The following WEE1 variants were observed in gnomAD, a reference collection of about 807,000 sequenced individuals.
WEE1 encodes wee1-like protein kinase.
WEE1 carries 16 observed loss-of-function variants against 68.8 expected under a neutral mutation model. The observed-to-expected ratio is 0.23, with a 90% confidence interval of 0.16 to 0.35. The LOEUF is 0.35. Among genes scored for constraint, WEE1 ranks in the 10% least tolerant of loss-of-function variants. The probability of loss-of-function intolerance (pLI) is 1.00; values close to 1 mark genes in which losing one functional copy is unlikely to be tolerated. For missense variants in WEE1, 651 were observed against 824.1 expected (o/e 0.79, Z 2.57); for synonymous variants, 349 against 318.7 (o/e 1.09, Z -1.01).
Position 9,589,398 on chromosome 11 carries a change from T to C in WEE1, c.*796T>C, listed in dbSNP as rs1849737984. 2.0e-6 allele frequency: 2 copies of C among 984,968 alleles called. No homozygotes were observed. The highest frequency in any genetic ancestry group is 9.4e-5 in the South Asian group (2 of 21,280). 61.0% of individuals were successfully genotyped at this position (984,968 alleles called of 1,614,324 possible). Reference sequence around the variant, plus strand: ...GGTTTTGTAACTTGTTCTGGTAATGTCCTTCCCGGACTCTTTTTAAATGTC... The same window carrying C: ...GGTTTTGTAACTTGTTCTGGTAATGCCCTTCCCGGACTCTTTTTAAATGTC... On this transcript the variant is annotated 3_prime_UTR_variant, in exon 11 of 11. Transcript: ENST00000450114.
At chr11:9,586,898 C>T in intron 10 of WEE1, 42 bp downstream of exon 10, 1 of 1,551,656 alleles carries the variant, frequency 6.4e-7, no homozygotes, top group Non-Finnish European at 8.7e-7. Context: ...TTTTCATTCA[C>T]TTTAATTCTC....
Position 9,574,551 on chromosome 11 carries a change from G to A in WEE1, c.576+42G>A. 8.5e-7 allele frequency: 1 copy of A among 1,183,264 alleles called. No individual in the cohort carries two copies. Among genetic ancestry groups the A allele is most frequent in the Non-Finnish European group, 1.0e-6 (1 of 960,880 alleles). 73.3% of individuals were successfully genotyped at this position (1,183,264 alleles called of 1,614,324 possible). ...CGGGCACCCGGCGGCCGGGGCCGCG[G>A]CGCCGGAGGGGCCAGCGCCGCTGCC... On this transcript the variant is annotated intron_variant, in intron 1 of 10. Transcript: ENST00000450114. The surrounding 1 kb of genome is among the most constrained non-coding windows in gnomAD (Gnocchi z 4.9).
chr11:9,581,608 C>T lies in WEE1; in HGVS notation c.1218C>T (p.Leu406=), dbSNP rs757570571. The T allele has an allele frequency of 6.2e-7, 1 of 1,613,340 alleles. No homozygotes were observed. The highest frequency in any genetic ancestry group is 1.1e-5 in the South Asian group (1 of 91,020). Residue 406 remains leucine, a synonymous_variant, in exon 6 of 11, where the codon CTC becomes CTT. Coordinates refer to ENST00000450114, the MANE Select transcript of WEE1 (RefSeq NM_003390.4). ...TTAAAGAAGCAGAGTTGAAGGATCTCCTTTTGCAAGTTGGCCGAGGCTTGA... is the reference window on the plus strand; with the variant it reads ...TTAAAGAAGCAGAGTTGAAGGATCTTCTTTTGCAAGTTGGCCGAGGCTTGA... The part of the protein sequence containing the change: ...SYFKEAELKD[L]LLQVGRGLRY...
rs772982874 is a variant in WEE1, at chr11:9,586,463, A to T, written c.1485A>T (p.Leu495=). ...NEVLQENYTH[L]PKADIFALAL... ...TAATTTTACAGAATTATACCCATCTACCAAAAGCAGATATTTTTGCGCTTG... is the reference window on the plus strand; with the variant it reads ...TAATTTTACAGAATTATACCCATCTTCCAAAAGCAGATATTTTTGCGCTTG... Residue 495 remains leucine, a synonymous_variant, in exon 9 of 11, where the codon CTA becomes CTT. Coordinates refer to ENST00000450114, the MANE Select transcript of WEE1 (RefSeq NM_003390.4). The T allele has an allele frequency of 3.7e-6, 6 of 1,613,308 alleles. No homozygotes were observed. Among genetic ancestry groups the T allele is most frequent in the South Asian group, 1.1e-5 (1 of 90,988 alleles).
chr11:9,577,943 C>T (rs926758444), intron 5 of WEE1: 1 of 454,192 alleles, frequency 2.2e-6, no homozygotes, highest in African/African-American at 2.0e-5. Flanking sequence ...CTATTAAAAA[C>T]CTTTACCAAA....
In WEE1 at chr11:9,583,759, GCGCACACACACACA is replaced by G. The variant is rs1307906502; in HGVS notation, c.1289-1497_1289-1484del. On this transcript the variant is annotated intron_variant, in intron 6 of 10. Coordinates refer to ENST00000450114, the MANE Select transcript of WEE1 (RefSeq NM_003390.4). ...TGTGCGTGTGTGTGCGTGCACGCGC[GCGCACACACACACA>G]CACACACACACACACACACACACAC... is the stretch of plus-strand genomic sequence containing the variant. Among the ~76,000 whole-genome samples, 84 of 41,588 alleles carry G rather than the reference GCGCACACACACACA, an allele frequency of 2.0e-3. 1 individual carries two copies. The highest frequency in any genetic ancestry group is 3.3e-3 in the South Asian group (3 of 920). The allele number at this position is 41,588 out of a possible 152,430, so 27.3% of individuals were successfully genotyped here.
Position 9,574,352 on chromosome 11 carries a change from CG to C in WEE1, c.421del (p.Val141CysfsTer93), listed in dbSNP as rs1353667948. On this transcript the variant is annotated frameshift_variant, in exon 1 of 11. Transcript: ENST00000450114. LOFTEE classifies it high-confidence loss of function. This position sits in a 1 kb window ranked among gnomAD's most constrained non-coding sequence, Gnocchi z 4.9. The stretch of plus-strand genomic sequence containing the variant: ...TACTTCCTGGGTAGCTCTTTCTCGC[CG>C]GTGCGCTGCGGCGGCCCAGGAGATG... ...APYFLGSSFS[P>X]VRCGGPGDAS... 1 of 1,248,102 alleles carries C rather than the reference CG, an allele frequency of 8.0e-7. No homozygotes were observed. Among genetic ancestry groups the C allele is most frequent in the African/African-American group, 1.6e-5 (1 of 63,586 alleles). The allele number at this position is 1,248,102 out of a possible 1,614,324, so 77.3% of individuals were successfully genotyped here.
chr11:9,577,026 T>G, intron 4 of WEE1, 116 bp from the exon 5 acceptor site: 1 of 1,209,196 alleles, frequency 8.3e-7, no homozygotes. Context: ...AGCAAGTTGC[T>G]TTTTAGCATA....
rs898648767 is a variant in WEE1 at position 9,588,650 on chromosome 11, A to G, written c.*48A>G. ...CTGAACACTGTGACAAGAGGAAGCTAGGTTGAAATCACTGATAGAATCCAG... is the reference window on the plus strand; with the variant it reads ...CTGAACACTGTGACAAGAGGAAGCTGGGTTGAAATCACTGATAGAATCCAG... On this transcript the variant is annotated 3_prime_UTR_variant, in exon 11 of 11. Coordinates refer to ENST00000450114, the MANE Select transcript of WEE1 (RefSeq NM_003390.4). 9 of 1,437,518 alleles carry G rather than the reference A, an allele frequency of 6.3e-6. No homozygotes were observed. Among genetic ancestry groups the G allele is most frequent in the South Asian group, 1.6e-5 (1 of 61,560 alleles). 89.0% of individuals were successfully genotyped at this position (1,437,518 alleles called of 1,614,324 possible). A position where few individuals can be genotyped will look rare whatever the true frequency, so the allele number is the denominator to read the frequency against.
At chr11:9,586,903 A>G (rs1170591509) in intron 10 of WEE1, 47 bp downstream of exon 10, 1 of 1,543,844 alleles carries the variant, frequency 6.5e-7, no homozygotes, top group Non-Finnish European at 8.8e-7. Context: ...ATTCACTTTA[A>G]TTCTCAAATT....
Position 9,574,213 on chromosome 11 carries a change from T to C in WEE1, c.280T>C (p.Leu94=). The C allele has an allele frequency of 8.5e-7, 1 of 1,178,964 alleles. No homozygotes were observed. The highest frequency in any genetic ancestry group is 1.6e-5 in the African/African-American group (1 of 61,652). The allele number at this position is 1,178,964 out of a possible 1,614,324, so 73.0% of individuals were successfully genotyped here. A position where few individuals can be genotyped will look rare whatever the true frequency, so the allele number is the denominator to read the frequency against. Reference sequence around the variant, plus strand: ...CCCCGGCGAGCTGGAGGAGGACCTGTTGCTGCCCGGCGCCTGCCCGGGCGC... The same window carrying C: ...CCCCGGCGAGCTGGAGGAGGACCTGCTGCTGCCCGGCGCCTGCCCGGGCGC... ...GSPGELEEDL[L]LPGACPGADE... Residue 94 remains leucine (L), a synonymous_variant, in exon 1 of 11, where the codon TTG becomes CTG. Transcript: ENST00000450114. The surrounding 1 kb of genome is among the most constrained non-coding windows in gnomAD (Gnocchi z 4.9).
In WEE1 at chr11:9,589,341, G is replaced by T; in HGVS notation, c.*739G>T. ...AAAAATGCACCCTTTCCCTCCTTTGGAATGCTGTATTAATGTAGTATAATA... is the reference window on the plus strand; with the variant it reads ...AAAAATGCACCCTTTCCCTCCTTTGTAATGCTGTATTAATGTAGTATAATA... On this transcript the variant is annotated 3_prime_UTR_variant, in exon 11 of 11. Transcript: ENST00000450114. 1.0e-6 allele frequency: 1 copy of T among 984,706 alleles called. No homozygotes were observed. The highest frequency in any genetic ancestry group is 1.2e-6 in the Non-Finnish European group (1 of 829,782). 61.0% of individuals were successfully genotyped at this position (984,706 alleles called of 1,614,324 possible).
chr11:9,575,842 T>C (rs759867127), intron 1 of WEE1, 46 bp from the exon 2 acceptor site: 11 of 1,574,634 alleles, frequency 7.0e-6, no homozygotes, highest in Non-Finnish European at 9.6e-6. Flanking sequence ...AGGCTGACTA[T>C]AGGACTTGGA....
chr11:9,586,891 T>C, intron 10 of WEE1, 35 bp downstream of exon 10: 1 of 1,571,552 alleles, frequency 6.4e-7, no homozygotes, highest in Non-Finnish European at 8.6e-7. Context: ...TTTTGCTTTT[T>C]CATTCACTTT....
Position 9,585,276 on chromosome 11 carries a change from G to A in WEE1, c.1307G>A (p.Arg436Gln), listed in dbSNP as rs368181613. The A allele has an allele frequency of 2.5e-5, 40 of 1,613,492 alleles. No homozygotes were observed. Among genetic ancestry groups the A allele is most frequent in the Non-Finnish European group, 3.0e-5 (35 of 1,179,782 alleles). ...TTGACAGGTAATATTTTCATATCTC[G>A]AACCTCAATCCCAAATGCTGCCTCT... ...DIKPSNIFIS[R>Q]TSIPNAASEE... Residue 436 changes from arginine (R) to glutamine (Q), a missense_variant, in exon 7 of 11, where the codon CGA becomes CAA. By Grantham distance (43) the Arg-to-Gln change is conservative. Coordinates refer to ENST00000450114, the MANE Select transcript of WEE1 (RefSeq NM_003390.4).
Position 9,589,916 on chromosome 11 carries a change from G to A in WEE1, c.*1314G>A, listed in dbSNP as rs1433663477. The A allele has an allele frequency of 6.2e-6, 1 of 160,068 alleles. No homozygotes were observed. 9.9% of individuals were successfully genotyped at this position (160,068 alleles called of 1,614,324 possible). On this transcript the variant is annotated 3_prime_UTR_variant, in exon 11 of 11. Coordinates refer to ENST00000450114, the MANE Select transcript of WEE1 (RefSeq NM_003390.4). ...TGCATGTTATGCATGTGACTTGCTA[G>A]AAATGTAGCATGATGTAATTTAAAA... is the stretch of plus-strand genomic sequence containing the variant.
intron 8 of WEE1, 54 bp downstream of exon 8, chr11:9,585,581 T>C: frequency 7.5e-7 from 1 of 1,330,582 alleles, no homozygotes; most frequent in Middle Eastern, 1.9e-4. Context: ...TAGCAGTTGA[T>C]AGAAGAATAT....
intron 6 of WEE1, among the ~76,000 whole-genome samples, chr11:9,584,249 C>A (rs376559130): frequency 1.8e-4 from 27 of 152,242 alleles, no homozygotes; most frequent in African/African-American, 5.8e-4. Context: ...GAACCTCCTG[C>A]CTCAGACTCA....
Position 9,574,699 on chromosome 11 carries a change from A to G in WEE1, c.576+190A>G, listed in dbSNP as rs931086821. On this transcript the variant is annotated intron_variant, in intron 1 of 10. Transcript: ENST00000450114. This position sits in a 1 kb window ranked among gnomAD's most constrained non-coding sequence, Gnocchi z 4.9. ...GTCCGTTGAGATTATGTAACTGAACAATGGGCCTCGTCTGGAACTTCATCT... is the reference window on the plus strand; with the variant it reads ...GTCCGTTGAGATTATGTAACTGAACGATGGGCCTCGTCTGGAACTTCATCT... The G allele has an allele frequency of 1.3e-5, 14 of 1,082,654 alleles. No individual in the cohort carries two copies. The highest frequency in any genetic ancestry group is 1.0e-4 in the African/African-American group (6 of 59,598). The allele number at this position is 1,082,654 out of a possible 1,614,324, so 67.1% of individuals were successfully genotyped here.
Sources: allele counts gnomAD v4.1 joint callset (sites outside exome capture counted in the v4.1 genomes callset), GRCh38; gene constraint gnomAD v4.1.1; non-coding constraint Gnocchi (gnomAD v3.1); transcripts MANE v1.5; gene names NCBI Gene and HGNC (gene_info 2026-07-23, HGNC 2026-07-21).